Variants in TPD52L1 observed in about 807,000 individuals in gnomAD.
TPD52L1 encodes TPD52 like 1, also known as tumor protein D53.
A neutral mutation model predicts 28.7 loss-of-function variants in TPD52L1; 18 were observed. The ratio of observed to expected loss-of-function variants is 0.63; its 90% CI spans 0.43 to 0.93. The LOEUF (loss-of-function observed/expected upper bound fraction) is 0.93. TPD52L1 is among the 40% of genes least tolerant of loss of function. The pLI is 0.00. For synonymous variants in TPD52L1, 75 were observed against 88.8 expected, an observed-to-expected ratio of 0.84 and a Z score of 0.88; for missense variants, 203 against 254.8, an observed-to-expected ratio of 0.80 and a Z score of 1.39.
intron 1 of TPD52L1, among the ~76,000 whole-genome samples, chr6:125,155,370 G>T (rs920397207): frequency 2.6e-5 from 4 of 152,214 alleles, no homozygotes; most frequent in Non-Finnish European, 5.9e-5. Flanking sequence ...CTGAACATGG[G>T]TATATTTGAA....
intron 3 of TPD52L1, among the ~76,000 whole-genome samples, chr6:125,240,443 C>G (rs1328591580): frequency 6.6e-6 from 1 of 152,164 alleles, no homozygotes; most frequent in Non-Finnish European, 1.5e-5. Context: ...AATACTGATT[C>G]TACCCATTCA....
intron 1 of TPD52L1, among the ~76,000 whole-genome samples, chr6:125,169,120 T>C (rs1791111999): frequency 6.6e-6 from 1 of 152,110 alleles, no homozygotes; most frequent in South Asian, 2.1e-4. Flanking sequence ...TAGCATATCT[T>C]GGCGGGGTTG....
chr6:125,241,858 T>C (rs1013384519), intron 3 of TPD52L1, among the ~76,000 whole-genome samples: 2 of 151,878 alleles, frequency 1.3e-5, no homozygotes, highest in Admixed American at 6.6e-5. Context: ...TTTTTTCTTC[T>C]GCTGGGTTTG....
intron 1 of TPD52L1, among the ~76,000 whole-genome samples, chr6:125,205,526 T>C (rs1794067259): frequency 6.6e-6 from 1 of 152,162 alleles, no homozygotes; most frequent in East Asian, 1.9e-4. Context: ...TCAGGCTCTC[T>C]GAGATTCTTG....
intron 5 of TPD52L1, 70 bp from the exon 6 acceptor site, chr6:125,257,028 A>G: frequency 7.1e-7 from 1 of 1,413,160 alleles, no homozygotes; most frequent in Non-Finnish European, 9.7e-7. Flanking sequence ...ATATGAGCAG[A>G]AAACCAAACA....
Position 125,239,426 on chromosome 6 carries a change from A to T in TPD52L1, c.285-8856A>T, listed in dbSNP as rs148946341. On this transcript the variant is annotated intron_variant, in intron 3 of 6. Coordinates refer to ENST00000534000, the MANE Select transcript of TPD52L1 (RefSeq NM_003287.4). ...ACAATTATGGCAGAAGGTGGAAGGCACATCTTACATGGCAGCAGGAAAGAG... is the reference window on the plus strand; with the variant it reads ...ACAATTATGGCAGAAGGTGGAAGGCTCATCTTACATGGCAGCAGGAAAGAG... 3.3e-3 allele frequency among the ~76,000 whole-genome samples: 507 copies of T among 152,350 alleles called. 6 individuals carry two copies. The highest frequency in any genetic ancestry group is 0.016 in the Admixed American group (238 of 15,294).
intron 1 of TPD52L1, among the ~76,000 whole-genome samples, chr6:125,156,148 G>A (rs1790100786): frequency 6.6e-6 from 1 of 152,132 alleles, no homozygotes; most frequent in African/African-American, 2.4e-5. Flanking sequence ...AAATGGATAT[G>A]AGAAAAGTGA....
In TPD52L1 at chr6:125,220,148, G is replaced by T. The variant is rs1445849081; in HGVS notation, c.90G>T (p.Met30Ile). ...TAGCCAGTGCTGACTTCTCTAGCAT[G>T]CTCTCTGAGGAGGAAAAGGAAGAGT... Reference protein sequence around the residue: ...DAVASADFSSMLSEEEKEELK... With the variant: ...DAVASADFSSILSEEEKEELK... Residue 30 changes from methionine to isoleucine, a missense_variant, in exon 2 of 7, where the codon ATG becomes ATT. Met to Ile is a conservative substitution (Grantham distance 10, BLOSUM62 1). Coordinates refer to ENST00000534000, the MANE Select transcript of TPD52L1 (RefSeq NM_003287.4). The T allele has an allele frequency of 1.2e-6, 2 of 1,613,844 alleles. No homozygotes were observed. Among genetic ancestry groups the T allele is most frequent in the South Asian group, 2.2e-5 (2 of 91,082 alleles).
At chr6:125,196,432 G>A (rs1243483905) in intron 1 of TPD52L1, among the ~76,000 whole-genome samples, 1 of 152,220 alleles carries the variant, frequency 6.6e-6, no homozygotes, top group African/African-American at 2.4e-5. Context: ...CTTTTGGCAT[G>A]TGCCCTGCAA....
At chr6:125,196,061 T>A (rs1334896656) in intron 1 of TPD52L1, among the ~76,000 whole-genome samples, 2 of 152,176 alleles carry the variant, frequency 1.3e-5, no homozygotes, top group African/African-American at 2.4e-5. Context: ...TGGCTGCCCA[T>A]CAGTGTCACC....
At chr6:125,252,130 A>G in intron 4 of TPD52L1, 1 of 1,381,440 alleles carries the variant, frequency 7.2e-7, no homozygotes, top group Non-Finnish European at 9.9e-7. Context: ...CTGTGCCTGA[A>G]CCAACAAAAC....
intron 5 of TPD52L1, among the ~76,000 whole-genome samples, chr6:125,256,052 T>C (rs1048530521): frequency 6.6e-6 from 1 of 152,048 alleles, no homozygotes; most frequent in African/African-American, 2.4e-5. Flanking sequence ...GAGTCACAAA[T>C]AAAATGCCAT....
intron 3 of TPD52L1, among the ~76,000 whole-genome samples, chr6:125,245,786 C>T (rs928937159): frequency 4.6e-5 from 7 of 152,198 alleles, no homozygotes; most frequent in African/African-American, 1.7e-4. Flanking sequence ...GCCGAGTTTC[C>T]ATCCAGGCAG....
chr6:125,199,350 T>C (rs1052333675), intron 1 of TPD52L1, among the ~76,000 whole-genome samples: 2 of 152,188 alleles, frequency 1.3e-5, no homozygotes, highest in Non-Finnish European at 2.9e-5. Context: ...AAAAGTCACA[T>C]GTTAAATTCT....
intron 1 of TPD52L1, among the ~76,000 whole-genome samples, chr6:125,197,703 C>T (rs141276268): frequency 6.6e-6 from 1 of 152,202 alleles, no homozygotes; most frequent in East Asian, 1.9e-4. Context: ...TATAAAATAA[C>T]AGCCCACTAA....
At chr6:125,240,015 T>C (rs1796520427) in intron 3 of TPD52L1, among the ~76,000 whole-genome samples, 1 of 152,186 alleles carries the variant, frequency 6.6e-6, no homozygotes, top group Admixed American at 6.5e-5. Flanking sequence ...AAGTGAGAGA[T>C]GAGGATCCAG....
intron 6 of TPD52L1, among the ~76,000 whole-genome samples, chr6:125,259,051 C>T (rs1252114022): frequency 6.6e-6 from 1 of 152,062 alleles, no homozygotes; most frequent in African/African-American, 2.4e-5. Context: ...TTTTATATAG[C>T]TTATTTTCTG....
Position 125,260,982 on chromosome 6 carries a change from A to AAGG in TPD52L1, c.487-1851_487-1850insGGA, listed in dbSNP as rs1554219443. On this transcript the variant is annotated intron_variant, in intron 6 of 6. Coordinates refer to ENST00000534000, the MANE Select transcript of TPD52L1 (RefSeq NM_003287.4). Reference sequence around the variant, plus strand: ...AAAGAAAGAAAGAAAGAAAGAAAAGAAAAGAAAGAAAGAAAGAAAGAAAGA... The same window carrying AAGG: ...AAAGAAAGAAAGAAAGAAAGAAAAGAAGGAAAGAAAGAAAGAAAGAAAGAAAGA... The AAGG allele has an allele frequency of 4.5e-5, 2 of 44,762 alleles. 1 individual carries two copies. The highest frequency in any genetic ancestry group is 7.2e-5 in the Non-Finnish European group (2 of 27,734). The allele number at this position is 44,762 out of a possible 1,614,324, so 2.8% of individuals were successfully genotyped here. A position where few individuals can be genotyped will look rare whatever the true frequency, so the allele number is the denominator to read the frequency against.
intron 3 of TPD52L1, among the ~76,000 whole-genome samples, chr6:125,247,953 G>A (rs1399303060): frequency 2.6e-5 from 4 of 152,206 alleles, no homozygotes; most frequent in African/African-American, 9.6e-5. Flanking sequence ...ATTGACAAGT[G>A]TCTGTTTTAG....
Sources: allele counts gnomAD v4.1 joint callset (sites outside exome capture counted in the v4.1 genomes callset), GRCh38; gene constraint gnomAD v4.1.1; transcripts MANE v1.5; gene names NCBI Gene and HGNC (gene_info 2026-07-23, HGNC 2026-07-21).